The following FMO5 variants were observed in gnomAD, a reference collection of about 807,000 sequenced individuals.
FMO5 encodes flavin-containing monooxygenase 5.
In FMO5, 51 loss-of-function variants were observed where a neutral mutation model predicts 43.6. That is an observed-to-expected ratio of 1.17 (90% CI 0.93 to 1.48). The LOEUF (loss-of-function observed/expected upper bound fraction) is 1.48. Ranked by LOEUF, FMO5 falls within the 40% of genes most tolerant of loss-of-function variation. The probability of loss-of-function intolerance (pLI) is 0.00; values close to 1 mark genes in which losing one functional copy is unlikely to be tolerated. For synonymous variants in FMO5, 187 were observed against 216.5 expected, an observed-to-expected ratio of 0.86 and a Z score of 1.20; for missense variants, 644 against 643.0, an observed-to-expected ratio of 1.00 and a Z score of -0.02.
chr1:147,226,036 GTTA>G (rs1553927749), upstream of FMO5, among the ~76,000 whole-genome samples: 1 of 151,708 alleles, frequency 6.6e-6, no homozygotes, highest in Non-Finnish European at 1.5e-5. Context: ...AGGGGTTGAT[GTTA>G]TTATTATTAC....
intron 6 of FMO5, chr1:147,203,714 C>G (rs781987388): frequency 6.0e-5 from 91 of 1,512,000 alleles, no homozygotes; most frequent in Non-Finnish European, 8.2e-5. Flanking sequence ...GGGTACAAGA[C>G]GTTTATCCCT....
In FMO5 at chr1:147,212,479, C is replaced by A. The variant is rs782228735; in HGVS notation, c.544G>T (p.Gly182Ter). ...ATAATGACTCTCTTTCCAGTGAATC[C>A]CTCTGGGTTCTTATAGTCTCGACTG... ...FHSRDYKNPE[G>*]FTGKRVIIIG... The change falls in exon 5 of 9, where the codon GGA becomes TGA. Residue 182 changes from glycine (G) to a stop codon, truncating the protein, a stop_gained. Coordinates refer to ENST00000254090, the MANE Select transcript of FMO5 (RefSeq NM_001461.4). LOFTEE classifies it high-confidence loss of function. 1.9e-6 allele frequency: 3 copies of A among 1,612,748 alleles called. No individual in the cohort carries two copies. The African/African-American group carries it at 4.0e-5, about 22-fold the overall frequency.
Position 147,225,257 on chromosome 1 carries a change from A to G in FMO5, c.-38+30T>C, listed in dbSNP as rs969485884. 1.9e-5 allele frequency: 23 copies of G among 1,189,564 alleles called. 1 individual carries two copies. The Admixed American group carries it at 5.1e-4, about 27-fold the overall frequency. The allele number at this position is 1,189,564 out of a possible 1,614,324, so 73.7% of individuals were successfully genotyped here. On this transcript the variant is annotated intron_variant, in intron 1 of 8. Coordinates refer to ENST00000254090, the MANE Select transcript of FMO5 (RefSeq NM_001461.4). ...CCTGCGCCTGCAAGACCCAGAGCTGAGAGTGCTCTGCTGCGGTACCGGATC... is the reference window on the plus strand; with the variant it reads ...CCTGCGCCTGCAAGACCCAGAGCTGGGAGTGCTCTGCTGCGGTACCGGATC...
At chr1:147,214,466 C>CAAA (rs11339668) in intron 3 of FMO5, among the ~76,000 whole-genome samples, 56 of 148,356 alleles carry the variant, frequency 3.8e-4, no homozygotes, top group African/African-American at 1.3e-3. Context: ...AAACAAAAAA[C>CAAA]AAAAAAAAAA....
At position 147,190,205 on chromosome 1, in the gene FMO5, A is replaced by C. The variant is rs1656440384; in HGVS notation, c.1228T>G (p.Ser410Ala). ...PSQSEMMAEI[S>A]KAQEEIDKRY... ...TTGTCAATTTCCTCTTGAGCTTTAGATATTTCTGCCATCATTTCACTCTGT... is the reference window on the plus strand; with the variant it reads ...TTGTCAATTTCCTCTTGAGCTTTAGCTATTTCTGCCATCATTTCACTCTGT... The change falls in exon 8 of 9, where the codon TCT becomes GCT. Residue 410 changes from serine (S) to alanine (A), a missense_variant. Transcript: ENST00000254090. 1 of 1,611,790 alleles carries C rather than the reference A, an allele frequency of 6.2e-7. No individual in the cohort carries two copies. The highest frequency in any genetic ancestry group is 8.5e-7 in the Non-Finnish European group (1 of 1,178,514).
chr1:147,195,292 A>C (rs72708569), intron 7 of FMO5, among the ~76,000 whole-genome samples: 5,620 of 151,796 alleles, frequency 0.037, 159 homozygotes, highest in South Asian at 0.096. Context: ...CCAAACCCAA[A>C]TAATTTTTTT....
At position 147,215,734 on chromosome 1, in the gene FMO5, A is replaced by G; in HGVS notation, c.324+20T>C. 6.4e-7 allele frequency: 1 copy of G among 1,554,050 alleles called. No individual in the cohort carries two copies. Among genetic ancestry groups the G allele is most frequent in the Non-Finnish European group, 8.7e-7 (1 of 1,143,512 alleles). Reference sequence around the variant, plus strand: ...TTGGCAAACAACTTCAAACACAAAGATACCCACACAATTTTCTACCTTAAA... The same window carrying G: ...TTGGCAAACAACTTCAAACACAAAGGTACCCACACAATTTTCTACCTTAAA... On this transcript the variant is annotated intron_variant, in intron 3 of 8. Transcript: ENST00000254090.
Position 147,213,480 on chromosome 1 carries a change from A to G in FMO5, c.325-10T>C. 4.4e-6 allele frequency: 7 copies of G among 1,593,060 alleles called. No individual in the cohort carries two copies. Among genetic ancestry groups the G allele is most frequent in the Non-Finnish European group, 5.1e-6 (6 of 1,169,998 alleles). On this transcript the variant is annotated splice_polypyrimidine_tract_variant and intron_variant, in intron 3 of 8. Transcript: ENST00000254090. ...CACTGCACACAGTGGTCTGAAAAGAAAAGTGATAACCACAGGGGACATCCC... is the reference window on the plus strand; with the variant it reads ...CACTGCACACAGTGGTCTGAAAAGAGAAGTGATAACCACAGGGGACATCCC...
At chr1:147,215,649 G>T in intron 3 of FMO5, 105 bp downstream of exon 3, 1 of 797,440 alleles carries the variant, frequency 1.3e-6, no homozygotes, top group Non-Finnish European at 2.0e-6. Flanking sequence ...AAATACATGT[G>T]CAAATCAAGC....
downstream of FMO5, chr1:147,184,469 G>T: frequency 1.4e-6 from 2 of 1,479,982 alleles, no homozygotes. This position sits in a 1 kb window ranked among gnomAD's most constrained non-coding sequence, Gnocchi z 4.4. Flanking sequence ...AGTCCATCCA[G>T]GATACTACAT....
upstream of FMO5, among the ~76,000 whole-genome samples, chr1:147,226,661 C>G (rs1161260932): frequency 1.3e-5 from 2 of 152,040 alleles, no homozygotes; most frequent in Non-Finnish European, 2.9e-5. Flanking sequence ...TGCCTTGGAT[C>G]CTTGCTCTCC....
At chr1:147,198,707 C>T (rs1350336571) in intron 7 of FMO5, among the ~76,000 whole-genome samples, 2 of 151,776 alleles carry the variant, frequency 1.3e-5, no homozygotes, top group South Asian at 2.1e-4. Flanking sequence ...AAAAACTAGC[C>T]GGGCATGGTG....
In FMO5 at chr1:147,224,917, A is replaced by T; in HGVS notation, c.113T>A (p.Ile38Asn). ...TACCTGGAACCTCCAGAGCCCTCCG[A>T]TGTCATCAGTCCTTTCAAAGCAGAC... is the stretch of plus-strand genomic sequence containing the variant. ...EPVCFERTDDIGGLWRFQENP... is the reference protein window; with the variant it reads ...EPVCFERTDDNGGLWRFQENP... The change falls in exon 2 of 9, where the codon ATC becomes AAC. Residue 38 changes from isoleucine (I) to asparagine (N), a missense_variant. Ile to Asn is a moderately radical substitution (Grantham distance 149). Coordinates refer to ENST00000254090, the MANE Select transcript of FMO5 (RefSeq NM_001461.4). 6.2e-7 allele frequency: 1 copy of T among 1,614,030 alleles called. No homozygotes were observed. The highest frequency in any genetic ancestry group is 8.5e-7 in the Non-Finnish European group (1 of 1,179,986).
At chr1:147,204,359 G>T in intron 6 of FMO5, 2 of 1,037,648 alleles carry the variant, frequency 1.9e-6, no homozygotes, top group Non-Finnish European at 3.1e-6. Flanking sequence ...CCAGAATCAG[G>T]AAAAATAGAT....
intron 7 of FMO5, among the ~76,000 whole-genome samples, chr1:147,192,155 C>A (rs1553918687): frequency 6.6e-6 from 1 of 152,072 alleles, no homozygotes; most frequent in Non-Finnish European, 1.5e-5. Flanking sequence ...ATGGAATGTT[C>A]TTCCATTTCT....
downstream of FMO5, chr1:147,184,405 A>G (rs1055662537): frequency 9.9e-6 from 13 of 1,317,328 alleles, no homozygotes; most frequent in African/African-American, 1.5e-5. This position sits in a 1 kb window ranked among gnomAD's most constrained non-coding sequence, Gnocchi z 4.4. Context: ...ACCAAAATGC[A>G]TACTTTATTA....
At chr1:147,226,573 G>A (rs1663996556), upstream of FMO5, among the ~76,000 whole-genome samples, 1 of 152,148 alleles carries the variant, frequency 6.6e-6, no homozygotes, top group South Asian at 2.1e-4. Context: ...CAGGCACTGG[G>A]TTAGAACAAG....
intron 6 of FMO5, among the ~76,000 whole-genome samples, chr1:147,206,463 C>T (rs1427739394): frequency 5.9e-5 from 9 of 152,258 alleles, no homozygotes; most frequent in African/African-American, 1.9e-4. Context: ...CACATGCACA[C>T]GTATGTTTAT....
chr1:147,226,157 C>G (rs192429154), upstream of FMO5, among the ~76,000 whole-genome samples: 18 of 149,456 alleles, frequency 1.2e-4, no homozygotes, highest in Admixed American at 4.7e-4. Context: ...GTCTTGTGAA[C>G]GAGGCAAGGT....
Sources: gnomAD v4.1 joint callset for allele counts (sites outside exome capture counted in the v4.1 genomes callset) on GRCh38, gnomAD v4.1.1 for gene constraint, Gnocchi (gnomAD v3.1) non-coding constraint, MANE v1.5 for transcripts, NCBI Gene and HGNC (gene_info 2026-07-23, HGNC 2026-07-21) for gene names.